The following USP14 variants were observed in gnomAD, a reference collection of about 807,000 sequenced individuals.
The protein encoded by USP14 is ubiquitin specific peptidase 14, also known as ubiquitin carboxyl-terminal hydrolase 14.
A neutral mutation model predicts 76.5 loss-of-function variants in USP14; 38 were observed. The ratio of observed to expected loss-of-function variants is 0.50; its 90% CI spans 0.38 to 0.65. USP14 has a LOEUF of 0.65. Among genes scored for constraint, USP14 ranks in the 30% least tolerant of loss-of-function variants. The probability of loss-of-function intolerance (pLI) is 0.00; values close to 1 mark genes in which losing one functional copy is unlikely to be tolerated. For missense variants in USP14, 467 were observed against 586.5 expected (o/e 0.80, Z 2.10); for synonymous variants, 192 against 191.7 (o/e 1.00, Z -0.01).
chr18:183,971 A>G (rs1909857672), intron 5 of USP14, among the ~76,000 whole-genome samples: 1 of 152,124 alleles, frequency 6.6e-6, no homozygotes, highest in African/African-American at 2.4e-5. Context: ...CTCACTTCCA[A>G]GATTTCCTCT....
intron 3 of USP14, among the ~76,000 whole-genome samples, chr18:171,028 A>G (rs1909442311): frequency 1.8e-5 from 1 of 55,750 alleles, no homozygotes; most frequent in Non-Finnish European, 3.6e-5. Flanking sequence ...AAAAAAAAAT[A>G]TATATATATA....
At chr18:203,283 T>A in intron 12 of USP14, 93 bp downstream of exon 12, 1 of 1,160,000 alleles carries the variant, frequency 8.6e-7, no homozygotes, top group Non-Finnish European at 1.2e-6. Context: ...TAGGAATAGT[T>A]AAGCTTTCTT....
Position 170,671 on chromosome 18 carries a change from C to T in USP14, c.195+3852C>T, listed in dbSNP as rs961798998. Reference sequence around the variant, plus strand: ...AACATTTTCTTAAGTCAAAACCTAACCAGAGCAAGACCCTAATTCTCTTTA... The same window carrying T: ...AACATTTTCTTAAGTCAAAACCTAATCAGAGCAAGACCCTAATTCTCTTTA... On this transcript the variant is annotated intron_variant, in intron 3 of 15. Coordinates refer to ENST00000261601, the MANE Select transcript of USP14 (RefSeq NM_005151.4). Among the ~76,000 whole-genome samples the T allele has an allele frequency of 1.2e-4, 19 of 152,156 alleles. No homozygotes were observed. In the Middle Eastern group the frequency reaches 0.014, roughly 109 times the overall value.
intron 1 of USP14, among the ~76,000 whole-genome samples, chr18:160,210 A>T (rs572343414): frequency 1.9e-4 from 28 of 151,168 alleles, no homozygotes; most frequent in African/African-American, 6.8e-4. Flanking sequence ...AGGCTGAGGC[A>T]GGAGAATCGC....
intron 3 of USP14, among the ~76,000 whole-genome samples, chr18:170,072 C>T (rs922538768): frequency 1.1e-4 from 16 of 152,100 alleles, no homozygotes; most frequent in East Asian, 3.9e-4. Flanking sequence ...GAGGCTGAGG[C>T]GGGTGGATTC....
chr18:167,591 A>G (rs1023366137), intron 3 of USP14, among the ~76,000 whole-genome samples: 1 of 151,548 alleles, frequency 6.6e-6, no homozygotes, highest in Non-Finnish European at 1.5e-5. Flanking sequence ...CTGCAGCTTT[A>G]AACTCCCAGC....
intron 5 of USP14, among the ~76,000 whole-genome samples, chr18:191,108 AG>A (rs1910072847): frequency 6.6e-6 from 1 of 152,168 alleles, no homozygotes; most frequent in African/African-American, 2.4e-5. Flanking sequence ...AGTGATGTTC[AG>A]GGTATGTCTG....
intron 6 of USP14, 143 bp downstream of exon 6, chr18:193,043 T>C: frequency 2.1e-6 from 1 of 486,736 alleles, no homozygotes; most frequent in Non-Finnish European, 3.5e-6. Context: ...GTTAAACAAC[T>C]TGGTACTTAT....
chr18:201,063 A>T (rs1472061933), intron 10 of USP14, among the ~76,000 whole-genome samples: 1 of 152,172 alleles, frequency 6.6e-6, no homozygotes, highest in South Asian at 2.1e-4. Context: ...GGCCTCCCAA[A>T]GTGCTGGGAT....
At chr18:185,331 G>C (rs1909899071) in intron 5 of USP14, among the ~76,000 whole-genome samples, 1 of 151,920 alleles carries the variant, frequency 6.6e-6, no homozygotes, top group African/African-American at 2.4e-5. Context: ...ACTAATTTTT[G>C]TATTTTTAGT....
At chr18:209,446 G>C (rs893399654) in intron 13 of USP14, among the ~76,000 whole-genome samples, 2 of 152,216 alleles carry the variant, frequency 1.3e-5, no homozygotes, top group African/African-American at 4.8e-5. Context: ...TTCCTCCTAA[G>C]AGTCCTTGTC....
At chr18:180,660 G>A (rs1567829580) in intron 5 of USP14, among the ~76,000 whole-genome samples, 1 of 152,206 alleles carries the variant, frequency 6.6e-6, no homozygotes, top group Non-Finnish European at 1.5e-5. Flanking sequence ...GGCATTTCAT[G>A]TAAATTGAAT....
chr18:210,933 G>A (rs1038665620), intron 15 of USP14, among the ~76,000 whole-genome samples, 200 bp from the exon 16 acceptor site: 4 of 152,168 alleles, frequency 2.6e-5, no homozygotes, highest in African/African-American at 9.7e-5. Context: ...TGCTCTAGTG[G>A]TGTCATTGAA....
At chr18:206,904 GA>G (rs573560991) in intron 13 of USP14, among the ~76,000 whole-genome samples, 36 of 152,242 alleles carry the variant, frequency 2.4e-4, no homozygotes, top group African/African-American at 8.4e-4. Flanking sequence ...CATGCCCTCA[GA>G]GATTTATACG....
chr18:168,767 G>A (rs1255425671), intron 3 of USP14, among the ~76,000 whole-genome samples: 2 of 151,422 alleles, frequency 1.3e-5, no homozygotes, highest in African/African-American at 4.8e-5. Context: ...TTCTAATACA[G>A]TGTTAATAGA....
chr18:183,320 C>CT (rs968252492), intron 5 of USP14, among the ~76,000 whole-genome samples: 131 of 143,518 alleles, frequency 9.1e-4, no homozygotes, highest in African/African-American at 1.3e-3. Flanking sequence ...AGGGTTTTCT[C>CT]TTTTTTTTTT....
intron 4 of USP14, among the ~76,000 whole-genome samples, chr18:179,536 C>T (rs79002808): frequency 6.7e-6 from 1 of 150,332 alleles, no homozygotes; most frequent in East Asian, 1.9e-4. Flanking sequence ...TTTTTTAACA[C>T]CTAGCATTTA....
chr18:194,388 A>G (rs1471045261), intron 6 of USP14, among the ~76,000 whole-genome samples: 1 of 152,240 alleles, frequency 6.6e-6, no homozygotes, highest in East Asian at 1.9e-4. Flanking sequence ...TGATGCGATG[A>G]AAAATACTGT....
chr18:171,025 A>AATATATAT (rs57888885), intron 3 of USP14, among the ~76,000 whole-genome samples: 102 of 47,626 alleles, frequency 2.1e-3, no homozygotes, highest in East Asian at 4.6e-3. Context: ...AAAAAAAAAA[A>AATATATAT]ATATATATAT....
Sources: gnomAD v4.1 joint callset for allele counts (sites outside exome capture counted in the v4.1 genomes callset) on GRCh38, gnomAD v4.1.1 for gene constraint, MANE v1.5 for transcripts, NCBI Gene and HGNC (gene_info 2026-07-23, HGNC 2026-07-21) for gene names.